GAS7: variants seen among roughly 807,000 people sequenced by gnomAD.
GAS7 encodes the protein growth arrest-specific protein 7.
GAS7 carries 28 observed loss-of-function variants against 71.1 expected under a neutral mutation model. The observed-to-expected ratio is 0.39, with a 90% CI of 0.29 to 0.54. GAS7 has a LOEUF of 0.54. Among genes scored for constraint, GAS7 ranks in the 20% least tolerant of loss-of-function variants. GAS7 has a pLI of 0.62. For missense variants in GAS7, 436 were observed against 627.8 expected, an observed-to-expected ratio of 0.69 and a Z score of 3.27; for synonymous variants, 258 against 245.8, an observed-to-expected ratio of 1.05 and a Z score of -0.46.
intron 1 of GAS7, among the ~76,000 whole-genome samples, chr17:10,070,366 T>A (rs1263116236): frequency 3.2e-4 from 44 of 136,342 alleles, no homozygotes; most frequent in African/African-American, 9.0e-4. Context: ...TTTTTTTTTT[T>A]AATTTTTAAT....
At chr17:10,097,885 A>T (rs1238024426) in intron 1 of GAS7, among the ~76,000 whole-genome samples, 1 of 152,140 alleles carries the variant, frequency 6.6e-6, no homozygotes, top group Non-Finnish European at 1.5e-5. Context: ...CTCTACTAAA[A>T]ATATAAAAAT....
At chr17:10,146,421 C>A (rs2074121267) in intron 1 of GAS7, among the ~76,000 whole-genome samples, 1 of 152,092 alleles carries the variant, frequency 6.6e-6, no homozygotes, top group Non-Finnish European at 1.5e-5. Context: ...AGGCAAAGTC[C>A]CCGCAAGAGT....
rs112968348 is a variant in GAS7, at chr17:9,919,281, G to A, written c.1218+345C>T. ...ACTCGTGTGTGTGCATGTGTGGGGC[G>A]GTCCTCTCTTCCTATAGCTTGGCTA... On this transcript the variant is annotated intron_variant, in intron 12 of 13. Transcript: ENST00000432992. This position sits in a 1 kb window ranked among gnomAD's most constrained non-coding sequence, Gnocchi z 5.0. Among the ~76,000 whole-genome samples, 15 of 152,096 alleles carry A rather than the reference G, an allele frequency of 9.9e-5. No homozygotes were observed. Among genetic ancestry groups the A allele is most frequent in the South Asian group, 2.1e-4 (1 of 4,810 alleles).
intron 2 of GAS7, among the ~76,000 whole-genome samples, chr17:10,000,770 C>T (rs762616925): frequency 6.6e-6 from 1 of 152,198 alleles, no homozygotes; most frequent in African/African-American, 2.4e-5. Context: ...TGCCCCTGGC[C>T]CTTTCTGTTC....
At chr17:9,931,274 A>C (rs908409070) in intron 9 of GAS7, among the ~76,000 whole-genome samples, 4 of 152,114 alleles carry the variant, frequency 2.6e-5, no homozygotes, top group African/African-American at 9.7e-5. Flanking sequence ...GGTTGACGGC[A>C]ATGAGTTATA....
chr17:9,975,849 C>A (rs1185518152), intron 3 of GAS7, among the ~76,000 whole-genome samples: 21 of 152,222 alleles, frequency 1.4e-4, no homozygotes, highest in Admixed American at 1.4e-3. Context: ...GAGGGAAATA[C>A]AGCAGGGCTA....
At chr17:9,925,729 G>T in intron 10 of GAS7, 130 bp from the exon 11 acceptor site, 1 of 962,566 alleles carries the variant, frequency 1.0e-6, no homozygotes, top group Non-Finnish European at 1.6e-6. Context: ...CAGTGGTCCA[G>T]AGAGGCCCAG....
intron 1 of GAS7, among the ~76,000 whole-genome samples, chr17:10,032,585 T>C (rs1242432521): frequency 1.4e-4 from 21 of 152,176 alleles, no homozygotes; most frequent in Admixed American, 1.4e-3. Context: ...CTATAACCCA[T>C]GCATGGGACG....
intron 2 of GAS7, among the ~76,000 whole-genome samples, chr17:9,996,871 C>A (rs1228713697): frequency 6.6e-6 from 1 of 151,308 alleles, no homozygotes; most frequent in Non-Finnish European, 1.5e-5. Context: ...AACTCCTGAT[C>A]TCAGGTGATC....
At chr17:9,976,636 G>A (rs1405119029) in intron 3 of GAS7, among the ~76,000 whole-genome samples, 1 of 152,142 alleles carries the variant, frequency 6.6e-6, no homozygotes, top group South Asian at 2.1e-4. Flanking sequence ...CCTCTGCAAA[G>A]GCATTCACTC....
Position 9,974,855 on chromosome 17 carries a change from C to A in GAS7, c.386-5093G>T, listed in dbSNP as rs932112997. 6.6e-6 allele frequency among the ~76,000 whole-genome samples: 1 copy of A among 152,164 alleles called. No individual in the cohort carries two copies. The highest frequency in any genetic ancestry group is 1.5e-5 in the Non-Finnish European group (1 of 68,032). On this transcript the variant is annotated intron_variant, in intron 3 of 13. Coordinates refer to ENST00000432992, the MANE Select transcript of GAS7 (RefSeq NM_201433.2). This position sits in a 1 kb window ranked among gnomAD's most constrained non-coding sequence, Gnocchi z 4.0. ...CCGCCACCCAGGGCTCACCCCCACC[C>A]ACAGCTCGGCTTCCATATCTCAGTA...
chr17:10,101,976 T>G (rs974630751), intron 1 of GAS7, among the ~76,000 whole-genome samples: 2 of 152,076 alleles, frequency 1.3e-5, no homozygotes, highest in African/African-American at 2.4e-5. Flanking sequence ...GGCAGAACCA[T>G]CTAAGCAACT....
At chr17:10,188,573 T>C (rs916579311) in intron 1 of GAS7, among the ~76,000 whole-genome samples, 3 of 152,192 alleles carry the variant, frequency 2.0e-5, no homozygotes. Context: ...TTAATTAAAT[T>C]TGCAATTATT....
At chr17:10,181,221 G>C (rs1380917088) in intron 1 of GAS7, among the ~76,000 whole-genome samples, 2 of 146,364 alleles carry the variant, frequency 1.4e-5, no homozygotes, top group Non-Finnish European at 3.1e-5. Flanking sequence ...TTAGCTGGGC[G>C]TGGTGGTGCA....
At chr17:10,005,324 T>TACAC (rs1488449808) in intron 2 of GAS7, among the ~76,000 whole-genome samples, 11 of 146,570 alleles carry the variant, frequency 7.5e-5, no homozygotes, top group African/African-American at 2.9e-4. Context: ...CACACATATA[T>TACAC]ATATACACAC....
At chr17:10,042,445 T>A (rs973566209) in intron 1 of GAS7, among the ~76,000 whole-genome samples, 1 of 152,116 alleles carries the variant, frequency 6.6e-6, no homozygotes, top group Non-Finnish European at 1.5e-5. Context: ...GGACGCCCCC[T>A]TCCTCCATAC....
chr17:10,094,811 C>T (rs887267591), intron 1 of GAS7, among the ~76,000 whole-genome samples: 19 of 152,136 alleles, frequency 1.2e-4, no homozygotes, highest in African/African-American at 3.9e-4. Flanking sequence ...ACCTGCCTCA[C>T]GAGGGGATTA....
chr17:10,161,293 C>G (rs200113116), intron 1 of GAS7, among the ~76,000 whole-genome samples: 2 of 152,174 alleles, frequency 1.3e-5, no homozygotes, highest in East Asian at 3.8e-4. Flanking sequence ...GCTTGGGTGA[C>G]ATGTCCATTT....
intron 1 of GAS7, among the ~76,000 whole-genome samples, chr17:10,120,720 A>AAAC (rs201421194): frequency 3.3e-5 from 5 of 152,116 alleles, no homozygotes; most frequent in East Asian, 1.9e-4. Context: ...CTCAAAAACA[A>AAAC]AACAACAACA....
Sources: allele counts gnomAD v4.1 joint callset (sites outside exome capture counted in the v4.1 genomes callset), GRCh38; gene constraint gnomAD v4.1.1; non-coding constraint Gnocchi (gnomAD v3.1); transcripts MANE v1.5; gene names NCBI Gene and HGNC (gene_info 2026-07-23, HGNC 2026-07-21).